GABRA3: variants seen among roughly 807,000 people sequenced by gnomAD.
GABRA3 encodes gamma-aminobutyric acid receptor subunit alpha-3.
Under a neutral mutation model 30.1 loss-of-function variants are expected in GABRA3, and 10 were observed. The ratio of observed to expected loss-of-function variants is 0.33; its 90% CI spans 0.20 to 0.56. The LOEUF (loss-of-function observed/expected upper bound fraction) is 0.56, where lower values mean the gene tolerates loss of function less well. GABRA3 is among the 20% of genes least tolerant of loss of function. GABRA3 has a pLI of 0.89. For missense variants in GABRA3, 233 were observed against 392.0 expected (o/e 0.59, Z 3.42); for synonymous variants, 151 against 146.8 (o/e 1.03, Z -0.21).
chrX:152,246,514 A>G (rs1407668236), intron 5 of GABRA3, among the ~76,000 whole-genome samples: 2 of 111,808 alleles, frequency 1.8e-5, no homozygotes, highest in African/African-American at 6.5e-5. Context: ...TTTAGCACAT[A>G]GCACTTCACT....
chrX:152,428,349 A>G (rs1374300332), intron 1 of GABRA3, among the ~76,000 whole-genome samples: 4 of 112,179 alleles, frequency 3.6e-5, no homozygotes, highest in African/African-American at 6.5e-5. Flanking sequence ...GCTACTCTCA[A>G]TAGTAGTCCC....
rs370368687 is a variant in GABRA3, at chrX:152,249,139, T to C, written c.551+6639A>G. Reference sequence around the variant, plus strand: ...ATGTTCCAAAATCTTATTACTCCTCTTTGTTCTACGGAAATGTTAACAATT... The same window carrying C: ...ATGTTCCAAAATCTTATTACTCCTCCTTGTTCTACGGAAATGTTAACAATT... On this transcript the variant is annotated intron_variant, in intron 5 of 9. Coordinates refer to ENST00000370314, the MANE Select transcript of GABRA3 (RefSeq NM_000808.4). Among the ~76,000 whole-genome samples, 4 of 111,038 alleles carry C rather than the reference T, an allele frequency of 3.6e-5. No individual in the cohort carries two copies. In the East Asian group the frequency reaches 1.1e-3, roughly 32 times the overall value.
chrX:152,356,138 C>T (rs1940545661), intron 2 of GABRA3, among the ~76,000 whole-genome samples: 1 of 111,851 alleles, frequency 8.9e-6, no homozygotes, highest in South Asian at 3.7e-4. Context: ...GGAACTGTGT[C>T]CCCAAAGATT....
intron 9 of GABRA3, among the ~76,000 whole-genome samples, chrX:152,185,867 C>T (rs6653469): frequency 2.5e-4 from 28 of 112,068 alleles, no homozygotes; most frequent in African/African-American, 9.1e-4. Flanking sequence ...ATTTTATTTT[C>T]AATGTTTAAT....
intron 1 of GABRA3, among the ~76,000 whole-genome samples, chrX:152,425,371 A>G (rs964596858): frequency 9.0e-6 from 1 of 110,967 alleles, no homozygotes; most frequent in South Asian, 3.8e-4. Flanking sequence ...AATTGTCCCA[A>G]TAACGCTCTC....
intron 1 of GABRA3, among the ~76,000 whole-genome samples, chrX:152,367,106 G>C (rs754794802): frequency 9.9e-5 from 11 of 111,019 alleles, no homozygotes; most frequent in Admixed American, 3.8e-4. Flanking sequence ...AACATCATAC[G>C]AATATTCAGA....
intron 1 of GABRA3, among the ~76,000 whole-genome samples, chrX:152,414,402 A>G (rs1354393858): frequency 9.0e-6 from 1 of 111,601 alleles, no homozygotes; most frequent in East Asian, 2.8e-4. Flanking sequence ...ACCAAAGAAA[A>G]TATACATATG....
intron 9 of GABRA3, among the ~76,000 whole-genome samples, chrX:152,175,135 A>G (rs1937056372): frequency 8.9e-6 from 1 of 112,113 alleles, no homozygotes; most frequent in African/African-American, 3.2e-5. Flanking sequence ...TAGATTTTGT[A>G]GAATAAAGAA....
chrX:152,436,384 T>G (rs1481859096), intron 1 of GABRA3, among the ~76,000 whole-genome samples: 4 of 111,934 alleles, frequency 3.6e-5, no homozygotes, highest in Non-Finnish European at 7.5e-5. Flanking sequence ...CTGCCTGGCC[T>G]CTACCCACAA....
chrX:152,371,357 T>G (rs758836203), intron 1 of GABRA3, among the ~76,000 whole-genome samples: 1 of 111,637 alleles, frequency 9.0e-6, no homozygotes, highest in Non-Finnish European at 1.9e-5. Context: ...ATATCAACTA[T>G]ACCAACCTAC....
chrX:152,341,702 G>A (rs1156553378), intron 3 of GABRA3, among the ~76,000 whole-genome samples: 4 of 107,359 alleles, frequency 3.7e-5, no homozygotes, highest in Admixed American at 1.0e-4. Flanking sequence ...ACTACCCCCC[G>A]CTAATTTTTT....
At chrX:152,224,018 A>G (rs1268753597) in intron 6 of GABRA3, among the ~76,000 whole-genome samples, 1 of 111,675 alleles carries the variant, frequency 9.0e-6, no homozygotes, top group Non-Finnish European at 1.9e-5. Flanking sequence ...TGAAAAACTA[A>G]TGATTGAGGA....
intron 3 of GABRA3, among the ~76,000 whole-genome samples, chrX:152,301,675 A>G (rs1032377108): frequency 9.0e-6 from 1 of 110,501 alleles, no homozygotes; most frequent in Non-Finnish European, 1.9e-5. Flanking sequence ...CTGGGATTAC[A>G]GGCACCTGCC....
At chrX:152,311,975 TA>T (rs2124460481) in intron 3 of GABRA3, among the ~76,000 whole-genome samples, 1 of 111,182 alleles carries the variant, frequency 9.0e-6, no homozygotes, top group South Asian at 3.8e-4. Context: ...ACAAAATGAA[TA>T]AAACACCTAG....
chrX:152,188,074 G>C (rs1937278636), intron 9 of GABRA3, among the ~76,000 whole-genome samples: 1 of 110,991 alleles, frequency 9.0e-6, no homozygotes, highest in African/African-American at 3.3e-5. Context: ...CACACACTGG[G>C]GCCTTTGGGA....
At chrX:152,359,868 A>C (rs922526958) in intron 2 of GABRA3, among the ~76,000 whole-genome samples, 3 of 112,036 alleles carry the variant, frequency 2.7e-5, no homozygotes, top group African/African-American at 9.7e-5. Flanking sequence ...TAGTAGTATC[A>C]TGCCTCAAAA....
rs186205469 is a variant in GABRA3, at chrX:152,223,932, G to A, written c.634+831C>T. Reference sequence around the variant, plus strand: ...TATAATATAGCTCCAAAAGAGCAAGGCTTTTGTTTTATTCACGGATGCATT... The same window carrying A: ...TATAATATAGCTCCAAAAGAGCAAGACTTTTGTTTTATTCACGGATGCATT... On this transcript the variant is annotated intron_variant, in intron 6 of 9. Transcript: ENST00000370314. Among the ~76,000 whole-genome samples the A allele has an allele frequency of 6.3e-5, 7 of 111,193 alleles. No homozygotes were observed. The East Asian group carries it at 1.7e-3, about 27-fold the overall frequency.
intron 1 of GABRA3, among the ~76,000 whole-genome samples, chrX:152,410,872 CA>C (rs1372581854): frequency 9.0e-6 from 1 of 111,635 alleles, no homozygotes; most frequent in Non-Finnish European, 1.9e-5. Context: ...AAAATTAAGA[CA>C]TTGGACTCAC....
At chrX:152,169,901 A>T (rs776792655) in intron 9 of GABRA3, among the ~76,000 whole-genome samples, 99 of 110,819 alleles carry the variant, frequency 8.9e-4, no homozygotes, top group African/African-American at 3.1e-3. Context: ...TCATCTCTTC[A>T]TATATCCTTT....
Sources: gnomAD v4.1 joint callset for allele counts (sites outside exome capture counted in the v4.1 genomes callset) on GRCh38, gnomAD v4.1.1 for gene constraint, MANE v1.5 for transcripts, NCBI Gene and HGNC (gene_info 2026-07-23, HGNC 2026-07-21) for gene names.